USP25: variants seen among roughly 807,000 people sequenced by gnomAD.
The protein encoded by USP25 is ubiquitin specific peptidase 25, also known as ubiquitin carboxyl-terminal hydrolase 25.
In USP25, 85 loss-of-function variants were observed where a neutral mutation model predicts 158.5. That is an observed-to-expected ratio of 0.54 (90% confidence interval 0.45 to 0.64). The LOEUF (loss-of-function observed/expected upper bound fraction) is 0.64. Among genes scored for constraint, USP25 ranks in the 30% least tolerant of loss-of-function variants. USP25 has a pLI of 0.00. For synonymous variants in USP25, 464 were observed against 460.4 expected, an observed-to-expected ratio of 1.01 and a Z score of -0.10; for missense variants, 1,242 against 1,327.3, an observed-to-expected ratio of 0.94 and a Z score of 1.00.
Position 15,878,760 on chromosome 21 carries a change from T to A in USP25, c.*285T>A. On this transcript the variant is annotated 3_prime_UTR_variant, in exon 26 of 26. Transcript: ENST00000400183. ...TGCCACCTTCCTGTTGCAGTATTAC[T>A]TTGCTTTTATCTTTTCTTTCTCAAC... 1 of 289,088 alleles carries A rather than the reference T, an allele frequency of 3.5e-6. No individual in the cohort carries two copies. The highest frequency in any genetic ancestry group is 6.4e-6 in the Non-Finnish European group (1 of 155,626). The allele number at this position is 289,088 out of a possible 1,614,324, so 17.9% of individuals were successfully genotyped here.
intron 10 of USP25, 143 bp downstream of exon 10, chr21:15,818,989 TA>T: frequency 9.6e-7 from 1 of 1,043,192 alleles, no homozygotes; most frequent in Non-Finnish European, 1.4e-6. Flanking sequence ...ATTGGTAATT[TA>T]GACATTCAGG....
At chr21:15,771,403 G>T (rs1222713367) in intron 3 of USP25, among the ~76,000 whole-genome samples, 2 of 152,124 alleles carry the variant, frequency 1.3e-5, no homozygotes, top group Non-Finnish European at 2.9e-5. Flanking sequence ...ATTTTAGGTA[G>T]TGTGGAAGAG....
At position 15,875,546 on chromosome 21, in the gene USP25, C is replaced by A. The variant is rs2040066163; in HGVS notation, c.3009+1020C>A. 6.6e-6 allele frequency among the ~76,000 whole-genome samples: 1 copy of A among 152,108 alleles called. No homozygotes were observed. The highest frequency in any genetic ancestry group is 1.5e-5 in the Non-Finnish European group (1 of 68,028). ...CTGGTAGGAGACATAATTGTTTGTTCTGGAATAAGTGCCATTATGAGAAAT... is the reference window on the plus strand; with the variant it reads ...CTGGTAGGAGACATAATTGTTTGTTATGGAATAAGTGCCATTATGAGAAAT... On this transcript the variant is annotated intron_variant, in intron 24 of 25. Transcript: ENST00000400183. This position sits in a 1 kb window ranked among gnomAD's most constrained non-coding sequence, Gnocchi z 4.7.
At chr21:15,868,601 C>A (rs528989450) in intron 22 of USP25, among the ~76,000 whole-genome samples, 4 of 152,198 alleles carry the variant, frequency 2.6e-5, no homozygotes, top group African/African-American at 7.2e-5. Context: ...TTGTCTTGCT[C>A]TAAGTTCAGG....
rs540092050 is a variant in USP25, at chr21:15,864,245, A to G, written c.2548-23A>G. On this transcript the variant is annotated intron_variant, in intron 20 of 25. Transcript: ENST00000400183. ...GGTGTTCAAATAATTAACCAAAATT[A>G]TCATTTTCATTGCATTTTCCAGGCA... 1.8e-4 allele frequency: 286 copies of G among 1,589,482 alleles called. 5 individuals are homozygous for G. The South Asian group carries it at 2.9e-3, about 16-fold the overall frequency.
chr21:15,833,467 G>A lies in USP25; in HGVS notation c.2113G>A (p.Ala705Thr). Residue 705 changes from alanine to threonine, a missense_variant, in exon 17 of 26, where the codon GCA becomes ACA. This residue lies in a region of USP25 where 608 missense variants were observed against 605.2 expected (regional missense o/e 1.00). Transcript: ENST00000400183. The part of the protein sequence containing the change: ...RFEKELEEWD[A>T]QLAQKALQEK... ...TGAAAAAGAACTAGAAGAATGGGATGCACAACTTGCCCAGAAAGCTTTGCA... is the reference window on the plus strand; with the variant it reads ...TGAAAAAGAACTAGAAGAATGGGATACACAACTTGCCCAGAAAGCTTTGCA... 1.2e-6 allele frequency: 2 copies of A among 1,614,086 alleles called. No individual in the cohort carries two copies. Among genetic ancestry groups the A allele is most frequent in the Non-Finnish European group, 1.7e-6 (2 of 1,179,982 alleles).
chr21:15,778,046 T>C lies in USP25; in HGVS notation c.392+19T>C. 1.3e-6 allele frequency: 2 copies of C among 1,578,230 alleles called. No individual in the cohort carries two copies. The highest frequency in any genetic ancestry group is 1.7e-6 in the Non-Finnish European group (2 of 1,166,694). On this transcript the variant is annotated intron_variant, in intron 4 of 25. Transcript: ENST00000400183. Reference sequence around the variant, plus strand: ...TTAGCAGGTAAAAACATAATTTGTATAAAGCAGATATAAGTACTTTTAAAA... The same window carrying C: ...TTAGCAGGTAAAAACATAATTTGTACAAAGCAGATATAAGTACTTTTAAAA...
At chr21:15,746,381 C>G (rs1268625078) in intron 1 of USP25, among the ~76,000 whole-genome samples, 2 of 152,110 alleles carry the variant, frequency 1.3e-5, no homozygotes, top group African/African-American at 4.8e-5. Flanking sequence ...CTTTGCATAT[C>G]TTTTGTTACA....
intron 8 of USP25, 28 bp from the exon 9 acceptor site, chr21:15,811,109 C>G (rs930041634): frequency 5.1e-6 from 8 of 1,581,896 alleles, no homozygotes; most frequent in Non-Finnish European, 6.9e-6. Flanking sequence ...AAATTGTAAT[C>G]ACATTTATAT....
At chr21:15,768,297 C>G (rs1183610965) in intron 3 of USP25, among the ~76,000 whole-genome samples, 5 of 152,016 alleles carry the variant, frequency 3.3e-5, no homozygotes, top group Admixed American at 2.0e-4. Flanking sequence ...AGGTTATTGA[C>G]AGCAAACAGT....
At chr21:15,865,565 G>A (rs76667149) in intron 21 of USP25, among the ~76,000 whole-genome samples, 469 of 152,220 alleles carry the variant, frequency 3.1e-3, no homozygotes, top group African/African-American at 0.011. Context: ...TTTGATACAT[G>A]CGACTGCAGA....
chr21:15,793,213 A>G (rs1190448716), intron 5 of USP25, among the ~76,000 whole-genome samples: 1 of 151,708 alleles, frequency 6.6e-6, no homozygotes, highest in Non-Finnish European at 1.5e-5. Context: ...TTAGAAAGGT[A>G]TAAGAAGAAA....
In USP25 at chr21:15,799,790, G is replaced by C; in HGVS notation, c.589G>C (p.Val197Leu). 1 of 1,601,418 alleles carries C rather than the reference G, an allele frequency of 6.2e-7. No individual in the cohort carries two copies. The highest frequency in any genetic ancestry group is 8.5e-7 in the Non-Finnish European group (1 of 1,173,870). The change falls in exon 6 of 26, where the codon GTT becomes CTT. Residue 197 changes from valine to leucine, a missense_variant. Physicochemically the swap from Val to Leu is conservative, Grantham distance 32. This residue lies in a region of USP25 where 627 missense variants were observed against 701.4 expected (regional missense o/e 0.89). Coordinates refer to ENST00000400183, the MANE Select transcript of USP25 (RefSeq NM_001283041.3). ...LFNLLEFRRLVLNYKPPSNAQ... is the reference protein window; with the variant it reads ...LFNLLEFRRLLLNYKPPSNAQ... The stretch of plus-strand genomic sequence containing the variant: ...TAATCTTTTGGAATTTAGAAGATTA[G>C]TTCTGAATTACAAGCCTCCATCAAA...
At chr21:15,817,946 C>T (rs2037030263) in intron 9 of USP25, among the ~76,000 whole-genome samples, 1 of 152,180 alleles carries the variant, frequency 6.6e-6, no homozygotes. Flanking sequence ...AATAGGACCA[C>T]AAGACCTTGT....
intron 19 of USP25, among the ~76,000 whole-genome samples, chr21:15,848,881 C>T (rs922270156): frequency 3.9e-5 from 6 of 152,120 alleles, no homozygotes; most frequent in East Asian, 1.9e-4. Context: ...TCAGAGGTGA[C>T]GGAGGCAATC....
intron 1 of USP25, among the ~76,000 whole-genome samples, chr21:15,759,081 T>C (rs930051305): frequency 2.0e-5 from 3 of 152,234 alleles, no homozygotes; most frequent in Non-Finnish European, 4.4e-5. Flanking sequence ...TAATACTTTA[T>C]ATATGAAATC....
In USP25 at chr21:15,741,399, A is replaced by G. The variant is rs117674109; in HGVS notation, c.45+10961A>G. Among the ~76,000 whole-genome samples, 148 of 152,014 alleles carry G rather than the reference A, an allele frequency of 9.7e-4. 4 individuals are homozygous for G. The East Asian group carries it at 0.027, about 28-fold the overall frequency. On this transcript the variant is annotated intron_variant, in intron 1 of 25. Transcript: ENST00000400183. ...TCTTGGGCAAATACATAGGTGTAGAATTGTTATAGTACTAAATTGTTATCC... is the reference window on the plus strand; with the variant it reads ...TCTTGGGCAAATACATAGGTGTAGAGTTGTTATAGTACTAAATTGTTATCC...
Position 15,805,144 on chromosome 21 carries a change from G to A in USP25, c.666G>A (p.Met222Ile), listed in dbSNP as rs772178146. The A allele has an allele frequency of 6.3e-7, 1 of 1,597,570 alleles. No individual in the cohort carries two copies. Among genetic ancestry groups the A allele is most frequent in the African/African-American group, 1.4e-5 (1 of 73,860 alleles). Residue 222 changes from methionine (M) to isoleucine (I), a missense_variant, in exon 7 of 26, where the codon ATG becomes ATA. Transcript: ENST00000400183. ...AGGAACATCGGAATTTGCCTTTTAT[G>A]CGTGAGCTGAGGTATCTATTTGCAC... Reference protein sequence around the residue: ...NQKEHRNLPFMRELRYLFALL... With the variant: ...NQKEHRNLPFIRELRYLFALL...
At chr21:15,777,208 C>T (rs953026376) in intron 3 of USP25, among the ~76,000 whole-genome samples, 3 of 152,112 alleles carry the variant, frequency 2.0e-5, no homozygotes, top group Non-Finnish European at 4.4e-5. Context: ...TTGTTTCATT[C>T]ACTTGTATAT....
Sources: gnomAD v4.1 joint callset for allele counts (sites outside exome capture counted in the v4.1 genomes callset) on GRCh38, gnomAD v4.1.1 for gene constraint, gnomAD v4.1.1 regional missense constraint, Gnocchi (gnomAD v3.1) non-coding constraint, MANE v1.5 for transcripts, NCBI Gene and HGNC (gene_info 2026-07-23, HGNC 2026-07-21) for gene names.